Variants in RANBP2 observed in about 807,000 individuals in gnomAD.
RANBP2 encodes the protein E3 SUMO-protein ligase RanBP2.
RANBP2 carries 57 observed loss-of-function variants against 303.6 expected under a neutral mutation model. That is an observed-to-expected ratio of 0.19 (90% CI 0.15 to 0.23). The LOEUF is 0.23. Ranked by LOEUF, RANBP2 falls within the 10% of genes least tolerant of loss-of-function variation. The pLI, the probability that RANBP2 is intolerant of heterozygous loss-of-function variation, is 1.00. For synonymous variants in RANBP2, 1,167 were observed against 1,301.5 expected, an observed-to-expected ratio of 0.90 and a Z score of 2.23; for missense variants, 3,138 against 3,780.8, an observed-to-expected ratio of 0.83 and a Z score of 4.46.
chr2:109,105,658 G>A, the RANBP2 span, among the ~76,000 whole-genome samples: 1,167 of 147,956 alleles, frequency 7.9e-3, 25 homozygotes, highest in African/African-American at 0.028. Flanking sequence ...AGGTTCAAGC[G>A]ATTCTCCTGC....
chr2:109,164,095 G>A, the RANBP2 span, among the ~76,000 whole-genome samples: 13 of 152,046 alleles, frequency 8.6e-5, no homozygotes, highest in African/African-American at 3.1e-4. Context: ...GGATGGAGGA[G>A]GCCTACTCTT....
chr2:109,236,184 A>T, the RANBP2 span, among the ~76,000 whole-genome samples: 1 of 152,210 alleles, frequency 6.6e-6, no homozygotes, highest in Non-Finnish European at 1.5e-5. Flanking sequence ...AAAGAAAGAA[A>T]ACTTTCTGGA....
chr2:109,245,664 C>A, the RANBP2 span, among the ~76,000 whole-genome samples: 1 of 152,166 alleles, frequency 6.6e-6, no homozygotes, highest in African/African-American at 2.4e-5. Context: ...ATCCCTTGAA[C>A]TGAGACCATA....
the RANBP2 span, among the ~76,000 whole-genome samples, chr2:109,725,020 C>G: frequency 3.3e-5 from 5 of 152,172 alleles, no homozygotes; most frequent in Non-Finnish European, 7.3e-5. Context: ...CTGCTGGCAC[C>G]TTGGTGGCAG....
At chr2:109,010,355 C>T in the RANBP2 span, among the ~76,000 whole-genome samples, 1 of 137,554 alleles carries the variant, frequency 7.3e-6, no homozygotes, top group African/African-American at 2.6e-5. Flanking sequence ...ACACACTCTT[C>T]CCATCCTGCT....
At chr2:109,655,027 C>T in the RANBP2 span, among the ~76,000 whole-genome samples, 3 of 152,008 alleles carry the variant, frequency 2.0e-5, no homozygotes, top group Non-Finnish European at 2.9e-5. Context: ...CTCAGCCTCC[C>T]GAGTAGCTGG....
chr2:108,961,912 T>C, the RANBP2 span, among the ~76,000 whole-genome samples: 1 of 152,342 alleles, frequency 6.6e-6, no homozygotes, highest in Middle Eastern at 3.4e-3. Context: ...ACTCTCATTT[T>C]TCCAAGTTAA....
At chr2:109,128,938 TC>T in the RANBP2 span, 1 of 391,742 alleles carries the variant, frequency 2.6e-6, no homozygotes, top group South Asian at 1.8e-5. Context: ...GGCGCCTCCT[TC>T]CCTGAGCCCC....
At chr2:108,751,766 C>G (rs1339920371) in intron 11 of RANBP2, 63 bp downstream of exon 11, 2 of 1,611,778 alleles carry the variant, frequency 1.2e-6, no homozygotes, top group Non-Finnish European at 1.7e-6. Context: ...GGATTTAATC[C>G]TCATGTGAAG....
the RANBP2 span, among the ~76,000 whole-genome samples, chr2:109,571,282 C>T: frequency 0.19 from 28,191 of 152,158 alleles, 3,460 homozygotes; most frequent in Non-Finnish European, 0.27. Context: ...AATGCGAGAA[C>T]GGACTAATAA....
the RANBP2 span, chr2:109,567,993 AAAAC>A: frequency 1.9e-6 from 3 of 1,554,360 alleles, no homozygotes; most frequent in South Asian, 1.2e-5. Context: ...AGAATAAAGA[AAAAC>A]AAAATCTTAC....
chr2:109,543,141 C>A, the RANBP2 span: 1 of 152,474 alleles, frequency 6.6e-6, no homozygotes, highest in Non-Finnish European at 1.5e-5. Flanking sequence ...ATGCAAATAC[C>A]ACCTGAAATA....
At chr2:109,219,567 CAG>C in the RANBP2 span, among the ~76,000 whole-genome samples, 1 of 152,054 alleles carries the variant, frequency 6.6e-6, no homozygotes, top group Non-Finnish European at 1.5e-5. Context: ...AAGGAGTTCT[CAG>C]AGTTTTCAGA....
chr2:108,752,566 A>G lies in RANBP2; in HGVS notation c.1756-432A>G, dbSNP rs201671710. On this transcript the variant is annotated intron_variant, in intron 12 of 28. Coordinates refer to ENST00000283195, the MANE Select transcript of RANBP2 (RefSeq NM_006267.5). ...GGCGGGCAGATCACAAGGTCAGGAG[A>G]TCGAGATCATTCCTGGCTAACACGG... Among the ~76,000 whole-genome samples the G allele has an allele frequency of 1.7e-3, 254 of 147,810 alleles. 6 individuals are homozygous for G. In the East Asian group the frequency reaches 0.036, roughly 21 times the overall value.
the RANBP2 span, among the ~76,000 whole-genome samples, chr2:109,352,652 G>C: frequency 1.3e-5 from 2 of 152,206 alleles, no homozygotes; most frequent in African/African-American, 4.8e-5. Flanking sequence ...TTACCCTGAA[G>C]TTACCCGAGA....
chr2:109,517,419 G>A, the RANBP2 span, among the ~76,000 whole-genome samples: 3 of 152,128 alleles, frequency 2.0e-5, no homozygotes, highest in African/African-American at 4.8e-5. Context: ...GGAATCTTCC[G>A]GAAGCTGCCG....
the RANBP2 span, chr2:109,449,411 A>C: frequency 3.1e-6 from 5 of 1,613,594 alleles, no homozygotes; most frequent in Non-Finnish European, 4.2e-6. Flanking sequence ...GGGAGGCTGG[A>C]GGGGGGCCCA....
the RANBP2 span, among the ~76,000 whole-genome samples, chr2:109,408,252 G>T: frequency 6.6e-6 from 1 of 152,262 alleles, no homozygotes; most frequent in South Asian, 2.1e-4. Context: ...AAGGAGGAAG[G>T]GCCTCGATCA....
the RANBP2 span, among the ~76,000 whole-genome samples, chr2:109,317,355 C>G: frequency 6.6e-6 from 1 of 152,086 alleles, no homozygotes; most frequent in South Asian, 2.1e-4. Context: ...AGGTGCCGCC[C>G]CAGCCCCAGG....
Sources: allele counts gnomAD v4.1 joint callset (sites outside exome capture counted in the v4.1 genomes callset), GRCh38; gene constraint gnomAD v4.1.1; transcripts MANE v1.5; gene names NCBI Gene and HGNC (gene_info 2026-07-23, HGNC 2026-07-21).